The following RPSA2 variants were observed in gnomAD, a reference collection of about 807,000 sequenced individuals.
RPSA2 encodes the protein ribosomal protein SA 2.
the RPSA2 span, among the ~76,000 whole-genome samples, chr19:23,860,076 T>C: frequency 5.3e-5 from 8 of 152,186 alleles, no homozygotes; most frequent in Non-Finnish European, 1.2e-4. Context: ...ACATTGTCTT[T>C]TTTCAAGCTT....
the RPSA2 span, among the ~76,000 whole-genome samples, chr19:23,805,353 G>T: frequency 0.011 from 1,648 of 151,980 alleles, 32 homozygotes; most frequent in African/African-American, 0.038. Context: ...TAGTAGAGAT[G>T]GGGTTTCTTC....
At chr19:23,817,480 G>C in the RPSA2 span, 1 of 152,246 alleles carries the variant, frequency 6.6e-6, no homozygotes, top group East Asian at 1.9e-4. Flanking sequence ...AGCTTTAAGG[G>C]TTTTATGCAT....
At chr19:23,778,170 G>T in the RPSA2 span, among the ~76,000 whole-genome samples, 1 of 152,136 alleles carries the variant, frequency 6.6e-6, no homozygotes, top group Admixed American at 6.6e-5. Flanking sequence ...AATTGTGATA[G>T]ATCTCTTGGC....
the RPSA2 span, among the ~76,000 whole-genome samples, chr19:23,770,768 G>C: frequency 1.3e-5 from 2 of 152,044 alleles, no homozygotes; most frequent in Non-Finnish European, 2.9e-5. Context: ...CTGCTTTCAG[G>C]GGGAGATTTT....
the RPSA2 span, among the ~76,000 whole-genome samples, chr19:23,845,973 C>T: frequency 3.9e-5 from 6 of 152,260 alleles, no homozygotes; most frequent in African/African-American, 2.4e-5. Context: ...GCCAGCTTTC[C>T]TATCTCAATG....
At chr19:23,857,767 T>C in the RPSA2 span, among the ~76,000 whole-genome samples, 2 of 152,144 alleles carry the variant, frequency 1.3e-5, no homozygotes, top group African/African-American at 4.8e-5. Flanking sequence ...AGTGCTGGGA[T>C]TGCAGGAGTG....
the RPSA2 span, among the ~76,000 whole-genome samples, chr19:23,796,061 A>G: frequency 6.6e-6 from 1 of 152,166 alleles, no homozygotes; most frequent in South Asian, 2.1e-4. Context: ...CACTGCACCC[A>G]TCTGCTTCCA....
the RPSA2 span, among the ~76,000 whole-genome samples, chr19:23,852,777 G>T: frequency 2.0e-5 from 3 of 152,180 alleles, no homozygotes; most frequent in East Asian, 5.8e-4. Context: ...TGGGGGGCTT[G>T]CTCCCAATAG....
chr19:23,810,237 C>T, the RPSA2 span, among the ~76,000 whole-genome samples: 1 of 151,750 alleles, frequency 6.6e-6, no homozygotes, highest in South Asian at 2.1e-4. Context: ...ACTAAAAATA[C>T]AAAAAAATTA....
chr19:23,827,027 T>G, the RPSA2 span: 1 of 671,356 alleles, frequency 1.5e-6, no homozygotes, highest in Non-Finnish European at 2.7e-6. Context: ...ACTGAATGAT[T>G]TATTGAAAGA....
chr19:23,789,712 C>CT, the RPSA2 span, among the ~76,000 whole-genome samples: 1,133 of 144,748 alleles, frequency 7.8e-3, 3 homozygotes, highest in Middle Eastern at 0.029. Flanking sequence ...TATTGTGTTA[C>CT]TTTTTTTTTT....
the RPSA2 span, among the ~76,000 whole-genome samples, chr19:23,838,190 A>G: frequency 7.2e-5 from 11 of 152,228 alleles, no homozygotes; most frequent in East Asian, 2.1e-3. Flanking sequence ...TTCTGCATCT[A>G]TTGAGATGAT....
At chr19:23,813,645 ATTTTAT>A in the RPSA2 span, among the ~76,000 whole-genome samples, 1 of 151,696 alleles carries the variant, frequency 6.6e-6, no homozygotes, top group Non-Finnish European at 1.5e-5. Flanking sequence ...TTTGATAATA[ATTTTAT>A]TTTTAATTAT....
chr19:23,764,219 A>G, the RPSA2 span, among the ~76,000 whole-genome samples: 1 of 152,060 alleles, frequency 6.6e-6, no homozygotes, highest in Non-Finnish European at 1.5e-5. Context: ...TGACTTCCTA[A>G]TGTATGGCAA....
chr19:23,850,607 T>G, the RPSA2 span, among the ~76,000 whole-genome samples: 6 of 151,444 alleles, frequency 4.0e-5, no homozygotes, highest in Admixed American at 3.9e-4. Context: ...AGTCTCCTAG[T>G]GGGCACCCAG....
chr19:23,800,773 C>T, the RPSA2 span, among the ~76,000 whole-genome samples: 1 of 152,066 alleles, frequency 6.6e-6, no homozygotes, highest in Non-Finnish European at 1.5e-5. Flanking sequence ...ACCACCAAGC[C>T]TGGCTAATTT....
At chr19:23,790,161 GCTA>G in the RPSA2 span, among the ~76,000 whole-genome samples, 1 of 152,062 alleles carries the variant, frequency 6.6e-6, no homozygotes, top group Admixed American at 6.6e-5. Flanking sequence ...ACTGTGCCCG[GCTA>G]CTTTTTGTAT....
the RPSA2 span, among the ~76,000 whole-genome samples, chr19:23,774,365 C>G: frequency 3.9e-5 from 6 of 152,276 alleles, no homozygotes; most frequent in Non-Finnish European, 7.3e-5. Context: ...CCTGCCTGTT[C>G]CCTGCTCACA....
At chr19:23,783,998 C>T in the RPSA2 span, among the ~76,000 whole-genome samples, 1 of 152,166 alleles carries the variant, frequency 6.6e-6, no homozygotes, top group Non-Finnish European at 1.5e-5. Context: ...AAGATTGTGA[C>T]ATAACCCTGG....
Sources: gnomAD v4.1 joint callset for allele counts (sites outside exome capture counted in the v4.1 genomes callset) on GRCh38, gnomAD v4.1.1 for gene constraint, MANE v1.5 for transcripts, NCBI Gene and HGNC (gene_info 2026-07-23, HGNC 2026-07-21) for gene names.